TFAP2E: variants seen among roughly 807,000 people sequenced by gnomAD.
The protein encoded by TFAP2E is transcription factor AP-2 epsilon.
TFAP2E carries 30 observed loss-of-function variants against 37.9 expected under a neutral mutation model. The observed-to-expected ratio is 0.79, with a 90% CI of 0.59 to 1.07. TFAP2E has a LOEUF of 1.07. Among genes scored for constraint, TFAP2E ranks in the 50% least tolerant of loss-of-function variants. The pLI, the probability that TFAP2E is intolerant of heterozygous loss-of-function variation, is 0.00. For synonymous variants in TFAP2E, 318 were observed against 295.8 expected (o/e 1.08, Z -0.77); for missense variants, 567 against 637.9 (o/e 0.89, Z 1.20).
chr1:35,573,996 G>T lies in TFAP2E; in HGVS notation c.97G>T (p.Gly33Trp). The part of the protein sequence containing the change: ...RLSSLPQAAY[G>W]PAPPLCHTPA... ...GTCGTCTCTGCCCCAGGCGGCCTAC[G>T]GGCCGGCGCCCCCGCTCTGCCACAC... The change falls in exon 2 of 7, where the codon GGG becomes TGG. Residue 33 changes from glycine to tryptophan, a missense_variant. This residue lies in a region of TFAP2E where 312 missense variants were observed against 317.4 expected (regional missense o/e 0.98). Transcript: ENST00000373235. This position sits in a 1 kb window ranked among gnomAD's most constrained non-coding sequence, Gnocchi z 5.9. The T allele has an allele frequency of 6.7e-7, 1 of 1,482,314 alleles. No individual in the cohort carries two copies. The highest frequency in any genetic ancestry group is 8.9e-7 in the Non-Finnish European group (1 of 1,125,814). The allele number at this position is 1,482,314 out of a possible 1,614,324, so 91.8% of individuals were successfully genotyped here.
In TFAP2E at chr1:35,587,653, A is replaced by AAAAAAAAAAAAG. The variant is rs796133136; in HGVS notation, c.563-674_563-673insAAAAAAAAGAAA. On this transcript the variant is annotated intron_variant, in intron 3 of 6. Transcript: ENST00000373235. ...CTCCATCTCAAAAAAAAAAAAAAAAAAAAGAAAGAAAGAAAGAAAATTAAC... is the reference window on the plus strand; with the variant it reads ...CTCCATCTCAAAAAAAAAAAAAAAAAAAAAAAAAAAAGAAAGAAAGAAAGAAAGAAAATTAAC... 6.1e-5 allele frequency among the ~76,000 whole-genome samples: 9 copies of AAAAAAAAAAAAG among 147,708 alleles called. No individual in the cohort carries two copies. The South Asian group carries it at 8.7e-4, about 14-fold the overall frequency.
At chr1:35,593,636 A>G (rs1330128248) in intron 6 of TFAP2E, among the ~76,000 whole-genome samples, 1 of 152,254 alleles carries the variant, frequency 6.6e-6, no homozygotes, top group East Asian at 1.9e-4. Context: ...AAACCTAGCC[A>G]GGACGGGGCT....
chr1:35,591,045 A>C (rs1159527641), intron 6 of TFAP2E, among the ~76,000 whole-genome samples: 1 of 152,146 alleles, frequency 6.6e-6, no homozygotes, highest in Non-Finnish European at 1.5e-5. Flanking sequence ...AGCAGTGAGC[A>C]CACACACGTA....
chr1:35,593,964 G>A (rs560105199), intron 6 of TFAP2E, among the ~76,000 whole-genome samples: 1 of 152,166 alleles, frequency 6.6e-6, no homozygotes, highest in East Asian at 1.9e-4. Flanking sequence ...ACAGCATCCA[G>A]CCTTCAATTA....
rs759908898 is a variant in TFAP2E, at chr1:35,574,987, C to T, written c.549C>T (p.Ser183=). The T allele has an allele frequency of 1.9e-6, 3 of 1,613,856 alleles. No homozygotes were observed. Among genetic ancestry groups the T allele is most frequent in the South Asian group, 2.2e-5 (2 of 91,090 alleles). ...DEPGMSLLDQ[S]VIKKVPIPSK... The stretch of plus-strand genomic sequence containing the variant: ...CGGGAATGAGCCTCCTAGACCAGTC[C>T]GTGATCAAGAAAGGTAAGGAATGGT... Residue 183 remains serine, a synonymous_variant, in exon 3 of 7, where the codon TCC becomes TCT. Coordinates refer to ENST00000373235, the MANE Select transcript of TFAP2E (RefSeq NM_178548.4).
intron 3 of TFAP2E, among the ~76,000 whole-genome samples, chr1:35,582,881 T>C: frequency 6.6e-6 from 1 of 151,932 alleles, no homozygotes; most frequent in East Asian, 1.9e-4. Flanking sequence ...TGAAGTCCAG[T>C]TTATCATCAT....
Position 35,588,548 on chromosome 1 carries a change from C to CG in TFAP2E, c.782dup (p.Arg262GlnfsTer55), listed in dbSNP as rs751144020. 8 of 1,574,630 alleles carry CG rather than the reference C, an allele frequency of 5.1e-6. No homozygotes were observed. In the African/African-American group the frequency reaches 1.1e-4, roughly 21 times the overall value. On this transcript the variant is annotated frameshift_variant, in exon 4 of 7. Transcript: ENST00000373235. LOFTEE classifies it high-confidence loss of function. This position sits in a 1 kb window ranked among gnomAD's most constrained non-coding sequence, Gnocchi z 5.1. The stretch of plus-strand genomic sequence containing the variant: ...CGCCTCCCTCCTGGGGGGTGTCCTC[C>CG]GCAGGTAGGAAGGCCAGCCCACAAT...
In TFAP2E at chr1:35,590,328, G is replaced by A. The variant is rs897116677; in HGVS notation, c.904+280G>A. Among the ~76,000 whole-genome samples, 5 of 152,010 alleles carry A rather than the reference G, an allele frequency of 3.3e-5. No homozygotes were observed. The highest frequency in any genetic ancestry group is 5.9e-5 in the Non-Finnish European group (4 of 67,962). On this transcript the variant is annotated intron_variant, in intron 5 of 6. Transcript: ENST00000373235. The surrounding 1 kb of genome is among the most constrained non-coding windows in gnomAD (Gnocchi z 6.2). ...TGGGTGTGTGGGTGTGTGTGTTGGC[G>A]GGGAGTGGCCAGTGTTTGGATGTGG...
At position 35,577,898 on chromosome 1, in the gene TFAP2E, C is replaced by T. The variant is rs946753195; in HGVS notation, c.562+2898C>T. On this transcript the variant is annotated intron_variant, in intron 3 of 6. Coordinates refer to ENST00000373235, the MANE Select transcript of TFAP2E (RefSeq NM_178548.4). This position sits in a 1 kb window ranked among gnomAD's most constrained non-coding sequence, Gnocchi z 6.3. Reference sequence around the variant, plus strand: ...CCGACCCTAGGAGTATAAGGGAGCCCTCCATTTCCTGCCCACATTTGTCAC... The same window carrying T: ...CCGACCCTAGGAGTATAAGGGAGCCTTCCATTTCCTGCCCACATTTGTCAC... Among the ~76,000 whole-genome samples, 2 of 152,192 alleles carry T rather than the reference C, an allele frequency of 1.3e-5. No homozygotes were observed. The highest frequency in any genetic ancestry group is 2.9e-5 in the Non-Finnish European group (2 of 68,036).
intron 3 of TFAP2E, among the ~76,000 whole-genome samples, chr1:35,583,824 C>T (rs1233033662): frequency 3.3e-5 from 5 of 152,096 alleles, no homozygotes; most frequent in Non-Finnish European, 7.4e-5. Context: ...CTTCCCTAAC[C>T]ATGGATTCCA....
rs949365184 is a variant in TFAP2E at position 35,573,603 on chromosome 1, T to G, written c.26T>G (p.Met9Arg). The G allele has an allele frequency of 1.9e-6, 3 of 1,539,460 alleles. No individual in the cohort carries two copies. The highest frequency in any genetic ancestry group is 1.7e-6 in the Non-Finnish European group (2 of 1,143,156). Residue 9 changes from methionine (M) to arginine (R), a missense_variant and splice_region_variant, in exon 1 of 7, where the codon ATG (methionine) becomes AGG (arginine). Physicochemically the swap from Met to Arg is moderately conservative, Grantham distance 91. Coordinates refer to ENST00000373235, the MANE Select transcript of TFAP2E (RefSeq NM_178548.4). The surrounding 1 kb of genome is among the most constrained non-coding windows in gnomAD (Gnocchi z 5.9). ...ATGCTGGTGCACACCTACTCCGCCA[T>G]GGTGAGTAGTCTCGGGCCCGGGACA... MLVHTYSA[M>R]ERPDGLGAAA... is the part of the protein sequence containing the mutation.
At position 35,594,451 on chromosome 1, in the gene TFAP2E, C is replaced by G; in HGVS notation, c.1104C>G (p.Asn368Lys). Reference protein sequence around the residue: ...LMAQDRSPLGNSRPALILEPG... With the variant: ...LMAQDRSPLGKSRPALILEPG... ...CTCAGGACCGCTCACCGCTGGGCAA[C>G]AGCCGCCCAGCACTCATCCTGGAGC... The change falls in exon 7 of 7, where the codon AAC becomes AAG. Residue 368 changes from asparagine (N) to lysine (K), a missense_variant. Asn to Lys is a moderately conservative substitution (Grantham distance 94, BLOSUM62 0). Around this residue, in one of 3 missense-constraint regions of TFAP2E, gnomAD observed 252 missense variants for 302.6 expected, o/e 0.83. Transcript: ENST00000373235. The G allele has an allele frequency of 6.2e-7, 1 of 1,614,190 alleles. No individual in the cohort carries two copies. Among genetic ancestry groups the G allele is most frequent in the Non-Finnish European group, 8.5e-7 (1 of 1,180,036 alleles).
At position 35,577,492 on chromosome 1, in the gene TFAP2E, C is replaced by T; in HGVS notation, c.562+2492C>T. The T allele has an allele frequency of 2.2e-6, 1 of 455,554 alleles. No homozygotes were observed. The highest frequency in any genetic ancestry group is 4.4e-6 in the Non-Finnish European group (1 of 226,102). The allele number at this position is 455,554 out of a possible 1,614,324, so 28.2% of individuals were successfully genotyped here. ...GTACTGGAGCCTGCCCCGCCAGGGC[C>T]CTGGAATCAGAGAAAGTCGCTCTTT... is the stretch of plus-strand genomic sequence containing the variant. On this transcript the variant is annotated intron_variant, in intron 3 of 6. Transcript: ENST00000373235. This position sits in a 1 kb window ranked among gnomAD's most constrained non-coding sequence, Gnocchi z 6.3.
Position 35,594,649 on chromosome 1 carries a change from G to A in TFAP2E, c.1302G>A (p.Ser434=), listed in dbSNP as rs775491673. The A allele has an allele frequency of 8.1e-6, 13 of 1,613,992 alleles. No homozygotes were observed. The highest frequency in any genetic ancestry group is 3.3e-4 in the Middle Eastern group (2 of 6,014). The change falls in exon 7 of 7, where the codon TCG becomes TCA. Residue 434 remains serine (S), a synonymous_variant. Transcript: ENST00000373235. ...VGSGHGETKA[S]EKDAKHRK ...GTGGGCATGGTGAAACCAAGGCTTC[G>A]GAGAAGGATGCCAAGCATCGGAAAT...
chr1:35,575,054 G>A (rs1649131052), intron 3 of TFAP2E, 54 bp downstream of exon 3: 6 of 1,607,404 alleles, frequency 3.7e-6, no homozygotes. Context: ...GGCCCTTGGT[G>A]CACAGATCCA....
In TFAP2E at chr1:35,573,945, G is replaced by T; in HGVS notation, c.46G>T (p.Gly16Ter). 3 of 1,455,538 alleles carry T rather than the reference G, an allele frequency of 2.1e-6. No homozygotes were observed. The highest frequency in any genetic ancestry group is 2.7e-6 in the Non-Finnish European group (3 of 1,119,344). 90.2% of individuals were successfully genotyped at this position (1,455,538 alleles called of 1,614,324 possible). Residue 16 changes from glycine (G) to a stop codon, truncating the protein, a stop_gained, in exon 2 of 7, where the codon GGA becomes TGA. Coordinates refer to ENST00000373235, the MANE Select transcript of TFAP2E (RefSeq NM_178548.4). LOFTEE classifies it high-confidence loss of function. This position sits in a 1 kb window ranked among gnomAD's most constrained non-coding sequence, Gnocchi z 5.9. ...YSAMERPDGL[G>*]AAAGGARLSS... Reference sequence around the variant, plus strand: ...TCCCCAGGAGCGCCCCGACGGGCTGGGAGCAGCTGCCGGCGGGGCCCGCCT... The same window carrying T: ...TCCCCAGGAGCGCCCCGACGGGCTGTGAGCAGCTGCCGGCGGGGCCCGCCT...
At position 35,587,225 on chromosome 1, in the gene TFAP2E, G is replaced by A. The variant is rs540995050; in HGVS notation, c.563-1105G>A. Among the ~76,000 whole-genome samples, 8 of 152,324 alleles carry A rather than the reference G, an allele frequency of 5.3e-5. No homozygotes were observed. The East Asian group carries it at 5.8e-4, about 11-fold the overall frequency. On this transcript the variant is annotated intron_variant, in intron 3 of 6. Transcript: ENST00000373235. ...AAGGAAGAAAAGGCCAAAGGGTTCC[G>A]CTAAAGAAGCAAGTGCTTCGATATT...
Position 35,574,008 on chromosome 1 carries a change from C to T in TFAP2E, c.109C>T (p.Pro37Ser). The change falls in exon 2 of 7, where the codon CCG becomes TCG. Residue 37 changes from proline (P) to serine (S), a missense_variant. By Grantham distance (74) the Pro-to-Ser change is moderately conservative (BLOSUM62 -1). Transcript: ENST00000373235. ...LPQAAYGPAPPLCHTPAATAA... is the reference protein window; with the variant it reads ...LPQAAYGPAPSLCHTPAATAA... ...CCAGGCGGCCTACGGGCCGGCGCCC[C>T]CGCTCTGCCACACGCCGGCCGCCAC... The T allele has an allele frequency of 2.0e-6, 3 of 1,489,172 alleles. No individual in the cohort carries two copies. The South Asian group carries it at 3.8e-5, about 19-fold the overall frequency. The allele number at this position is 1,489,172 out of a possible 1,614,324, so 92.2% of individuals were successfully genotyped here.
At chr1:35,583,099 C>A (rs1317875908) in intron 3 of TFAP2E, among the ~76,000 whole-genome samples, 2 of 152,032 alleles carry the variant, frequency 1.3e-5, no homozygotes, top group African/African-American at 2.4e-5. Flanking sequence ...GACAGTTTCA[C>A]CATGTTGGCC....
Sources: allele counts gnomAD v4.1 joint callset (sites outside exome capture counted in the v4.1 genomes callset), GRCh38; gene constraint gnomAD v4.1.1; regional missense constraint gnomAD v4.1.1; non-coding constraint Gnocchi (gnomAD v3.1); transcripts MANE v1.5; gene names NCBI Gene and HGNC (gene_info 2026-07-23, HGNC 2026-07-21).